The following CNOT7 variants were observed in gnomAD, a reference collection of about 807,000 sequenced individuals.
CNOT7 encodes the protein CCR4-NOT transcription complex subunit 7.
Under a neutral mutation model 37.1 loss-of-function variants are expected in CNOT7, and 4 were observed. That is an observed-to-expected ratio of 0.11 (90% CI 0.05 to 0.25). CNOT7 has a LOEUF of 0.25. Ranked by LOEUF, CNOT7 falls within the 10% of genes least tolerant of loss-of-function variation. CNOT7 has a pLI of 1.00. For synonymous variants in CNOT7, 128 were observed against 115.6 expected (o/e 1.11, Z -0.69); for missense variants, 170 against 336.2 (o/e 0.51, Z 3.87).
In CNOT7 at chr8:17,244,953, A is replaced by C; in HGVS notation, c.117+83T>G. ...GTGAAATTAATCCCTAAAAATATCAACCAAAAGGGTTGAATTCAAGACTTT... is the reference window on the plus strand; with the variant it reads ...GTGAAATTAATCCCTAAAAATATCACCCAAAAGGGTTGAATTCAAGACTTT... On this transcript the variant is annotated intron_variant, in intron 2 of 6. Coordinates refer to ENST00000361272, the MANE Select transcript of CNOT7 (RefSeq NM_013354.7). 2.6e-6 allele frequency: 3 copies of C among 1,151,916 alleles called. No homozygotes were observed. In the South Asian group the frequency reaches 4.4e-5, roughly 17 times the overall value. 71.4% of individuals were successfully genotyped at this position (1,151,916 alleles called of 1,614,324 possible).
chr8:17,242,947 G>GAA (rs150002154), intron 3 of CNOT7, 45 bp downstream of exon 3: 17,620 of 1,115,358 alleles, frequency 0.016, 1 homozygote, highest in East Asian at 0.074. Flanking sequence ...TAAGATTAAA[G>GAA]AAAAAAAAAA....
intron 5 of CNOT7, among the ~76,000 whole-genome samples, chr8:17,233,831 C>A (rs758445612): frequency 6.6e-6 from 1 of 152,216 alleles, no homozygotes; most frequent in Admixed American, 6.5e-5. Context: ...AAGAAAGCTT[C>A]TCATCTTCAG....
chr8:17,243,213 G>A, intron 2 of CNOT7, 28 bp from the exon 3 acceptor site: 1 of 1,530,478 alleles, frequency 6.5e-7, no homozygotes, highest in Non-Finnish European at 8.8e-7. Flanking sequence ...GATTCATTAT[G>A]TACTAAACAG....
chr8:17,237,471 C>T, intron 3 of CNOT7, 98 bp from the exon 4 acceptor site: 3 of 1,130,792 alleles, frequency 2.7e-6, no homozygotes, highest in Non-Finnish European at 3.8e-6. Flanking sequence ...AGAAAAGAGA[C>T]AGAGGAATGG....
intron 5 of CNOT7, 169 bp downstream of exon 5, chr8:17,234,547 C>T (rs971680667): frequency 3.0e-6 from 2 of 669,212 alleles, no homozygotes; most frequent in African/African-American, 3.6e-5. Context: ...AAAAAGGATT[C>T]CCTACAAATT....
chr8:17,243,890 A>C lies in CNOT7; in HGVS notation c.118-705T>G, dbSNP rs575052453. The stretch of plus-strand genomic sequence containing the variant: ...ATCTACAAAGAAACAGTCATATTTT[A>C]ACCAATCAACTTGCTCCTCCCCAAA... On this transcript the variant is annotated intron_variant, in intron 2 of 6. Transcript: ENST00000361272. Among the ~76,000 whole-genome samples, 4 of 152,342 alleles carry C rather than the reference A, an allele frequency of 2.6e-5. No homozygotes were observed. In the East Asian group the frequency reaches 7.7e-4, roughly 29 times the overall value.
intron 4 of CNOT7, 61 bp downstream of exon 4, chr8:17,237,151 G>T: frequency 6.6e-7 from 1 of 1,522,046 alleles, no homozygotes; most frequent in Non-Finnish European, 9.0e-7. Flanking sequence ...AGTGACCCAA[G>T]TAAGTGTGGA....
chr8:17,231,392 CAAAGCTAAAAAATCCA>C, intron 6 of CNOT7: 1 of 326,586 alleles, frequency 3.1e-6, no homozygotes. Flanking sequence ...TTTTAAAATG[CAAAGCTAAAAAATCCA>C]AAAGGTTGTT....
At chr8:17,240,867 C>T (rs963955632) in intron 3 of CNOT7, among the ~76,000 whole-genome samples, 2 of 152,152 alleles carry the variant, frequency 1.3e-5, no homozygotes, top group Non-Finnish European at 2.9e-5. Context: ...ATGAGGTGTT[C>T]AATCTTTTGG....
chr8:17,235,756 C>T (rs2959605), intron 4 of CNOT7, among the ~76,000 whole-genome samples: 133,231 of 152,198 alleles, frequency 0.88, 58,507 homozygotes, highest in Admixed American at 0.91. Context: ...AACTATTCTT[C>T]ATTACTTGAA....
At chr8:17,242,238 T>C (rs1388575710) in intron 3 of CNOT7, 2 of 152,214 alleles carry the variant, frequency 1.3e-5, no homozygotes, top group Non-Finnish European at 2.9e-5. Context: ...CATGAAACAA[T>C]GTTGAAGAAA....
chr8:17,241,221 G>A (rs1164375891), intron 3 of CNOT7: 1 of 151,152 alleles, frequency 6.6e-6, no homozygotes, highest in Non-Finnish European at 1.5e-5. Context: ...ACCTGTACCT[G>A]TACCTGTAGT....
chr8:17,232,135 A>G (rs768954625), intron 6 of CNOT7: 46 of 1,082,036 alleles, frequency 4.3e-5, no homozygotes, highest in Non-Finnish European at 5.4e-5. Context: ...GGAAGTTATT[A>G]GCCTGTTTTC....
chr8:17,235,946 T>G (rs1286304220), intron 4 of CNOT7, among the ~76,000 whole-genome samples: 1 of 152,202 alleles, frequency 6.6e-6, no homozygotes, highest in Non-Finnish European at 1.5e-5. Context: ...GTCAGAGTAT[T>G]TTTTAAATGA....
chr8:17,244,746 C>T, intron 2 of CNOT7: 1 of 281,916 alleles, frequency 3.5e-6, no homozygotes, highest in Non-Finnish European at 6.7e-6. Context: ...CCCTTACCTT[C>T]CCCTAAGACC....
chr8:17,229,506 G>A lies in CNOT7; in HGVS notation c.*1214C>T, dbSNP rs1382831023. 6.6e-6 allele frequency: 1 copy of A among 152,014 alleles called. No individual in the cohort carries two copies. Among genetic ancestry groups the A allele is most frequent in the Non-Finnish European group, 1.5e-5 (1 of 67,746 alleles). The allele number at this position is 152,014 out of a possible 1,614,324, so 9.4% of individuals were successfully genotyped here. A position where few individuals can be genotyped will look rare whatever the true frequency, so the allele number is the denominator to read the frequency against. Reference sequence around the variant, plus strand: ...CGTAAAGTCTTCCTACACATGCTCTGGTCTGGTCACATATTCTGCATGGCT... The same window carrying A: ...CGTAAAGTCTTCCTACACATGCTCTAGTCTGGTCACATATTCTGCATGGCT... On this transcript the variant is annotated 3_prime_UTR_variant, in exon 7 of 7. Coordinates refer to ENST00000361272, the MANE Select transcript of CNOT7 (RefSeq NM_013354.7).
At chr8:17,231,939 C>T (rs1808687912) in intron 6 of CNOT7, 2 of 987,144 alleles carry the variant, frequency 2.0e-6, no homozygotes, top group Non-Finnish European at 2.4e-6. Context: ...CTGAGTTCTT[C>T]TCTATAAAAT....
rs996523789 is a variant in CNOT7 at position 17,226,707 on chromosome 8, A to G, written c.*4013T>C. 3 of 151,788 alleles carry G rather than the reference A, an allele frequency of 2.0e-5. No homozygotes were observed. Among genetic ancestry groups the G allele is most frequent in the Admixed American group, 1.3e-4 (2 of 15,218 alleles). 9.4% of individuals were successfully genotyped at this position (151,788 alleles called of 1,614,324 possible). A position where few individuals can be genotyped will look rare whatever the true frequency, so the allele number is the denominator to read the frequency against. On this transcript the variant is annotated 3_prime_UTR_variant, in exon 7 of 7. Transcript: ENST00000361272. The stretch of plus-strand genomic sequence containing the variant: ...GCTGTTTTGACTTCTCATAGCACAG[A>G]AAGTATATAAAGCAGCTTGACAATC...
Position 17,226,029 on chromosome 8 carries a change from C to CCTTT in CNOT7, c.*4690_*4691insAAAG, listed in dbSNP as rs1808130951. The CCTTT allele has an allele frequency of 1.7e-5, 1 of 58,704 alleles. No individual in the cohort carries two copies. The highest frequency in any genetic ancestry group is 3.0e-5 in the Non-Finnish European group (1 of 33,554). The allele number at this position is 58,704 out of a possible 1,614,324, so 3.6% of individuals were successfully genotyped here. A position where few individuals can be genotyped will look rare whatever the true frequency, so the allele number is the denominator to read the frequency against. On this transcript the variant is annotated 3_prime_UTR_variant, in exon 7 of 7. Coordinates refer to ENST00000361272, the MANE Select transcript of CNOT7 (RefSeq NM_013354.7). ...TCTTCTAGTAGAGAGGTGGACAAGC[C>CCTTT]TTTTTTTTTTTTTTTTTTTTTTTTT...
Sources: gnomAD v4.1 joint callset for allele counts (sites outside exome capture counted in the v4.1 genomes callset) on GRCh38, gnomAD v4.1.1 for gene constraint, MANE v1.5 for transcripts, NCBI Gene and HGNC (gene_info 2026-07-23, HGNC 2026-07-21) for gene names.